NCOR1: variants seen among roughly 807,000 people sequenced by gnomAD.
NCOR1 encodes the protein protein phosphatase 1, regulatory subunit 109.
NCOR1 carries 63 observed loss-of-function variants against 288.1 expected under a neutral mutation model. That is an observed-to-expected ratio of 0.22 (90% CI 0.18 to 0.27). NCOR1 has a LOEUF of 0.27. Among genes scored for constraint, NCOR1 ranks in the 10% least tolerant of loss-of-function variants. The pLI, the probability that NCOR1 is intolerant of heterozygous loss-of-function variation, is 1.00. For missense variants in NCOR1, 2,397 were observed against 3,019.2 expected, an observed-to-expected ratio of 0.79 and a Z score of 4.83; for synonymous variants, 1,007 against 1,065.9, an observed-to-expected ratio of 0.94 and a Z score of 1.08.
intron 40 of NCOR1, among the ~76,000 whole-genome samples, chr17:16,056,126 C>G (rs921511829): frequency 2.0e-5 from 3 of 151,542 alleles, no homozygotes; most frequent in African/African-American, 7.3e-5. Flanking sequence ...TCTATCTGCT[C>G]TTTGCTCACT....
At chr17:16,092,375 T>A (rs1598446222) in intron 21 of NCOR1, among the ~76,000 whole-genome samples, 1 of 151,854 alleles carries the variant, frequency 6.6e-6, no homozygotes, top group East Asian at 2.0e-4. Flanking sequence ...TAGTCCCAGC[T>A]ACTCGGGAGG....
At chr17:16,171,031 T>C (rs1356615572) in intron 4 of NCOR1, among the ~76,000 whole-genome samples, 1 of 152,074 alleles carries the variant, frequency 6.6e-6, no homozygotes, top group Non-Finnish European at 1.5e-5. Context: ...ATGGCAACTA[T>C]AGCTAATAAT....
intron 3 of NCOR1, among the ~76,000 whole-genome samples, chr17:16,181,227 G>C (rs541455150): frequency 7.0e-6 from 1 of 142,232 alleles, no homozygotes; most frequent in Admixed American, 6.8e-5. Context: ...GTGTGTGTGT[G>C]TGTGTGTGTG....
In NCOR1 at chr17:16,127,718, T is replaced by C. The variant is rs1291232575; in HGVS notation, c.1510-1512A>G. The stretch of plus-strand genomic sequence containing the variant: ...ATATATGTATATATGTGTGTGTATA[T>C]ATACATATATGTGTATATATGTGTG... On this transcript the variant is annotated intron_variant, in intron 14 of 45. Coordinates refer to ENST00000268712, the MANE Select transcript of NCOR1 (RefSeq NM_006311.4). Among the ~76,000 whole-genome samples, 5 of 136,332 alleles carry C rather than the reference T, an allele frequency of 3.7e-5. 1 individual carries two copies. The highest frequency in any genetic ancestry group is 8.0e-5 in the Non-Finnish European group (5 of 62,480). The allele number at this position is 136,332 out of a possible 152,430, so 89.4% of individuals were successfully genotyped here.
chr17:16,112,693 G>A lies in NCOR1; in HGVS notation c.2056-3781C>T, dbSNP rs913899758. On this transcript the variant is annotated intron_variant, in intron 18 of 45. Coordinates refer to ENST00000268712, the MANE Select transcript of NCOR1 (RefSeq NM_006311.4). ...TTTAGTAGAGACAGGGTTTCACCAC[G>A]TTGGCCAGGATGGTCTTGATCTCTT... Among the ~76,000 whole-genome samples, 4 of 152,214 alleles carry A rather than the reference G, an allele frequency of 2.6e-5. No individual in the cohort carries two copies. In the South Asian group the frequency reaches 6.2e-4, roughly 24 times the overall value.
intron 3 of NCOR1, among the ~76,000 whole-genome samples, chr17:16,180,792 T>C (rs1212541191): frequency 6.6e-6 from 1 of 152,048 alleles, no homozygotes; most frequent in Non-Finnish European, 1.5e-5. Flanking sequence ...CACTCCCATA[T>C]TCATGGCAGC....
rs756221662 is a variant in NCOR1 at position 16,057,644 on chromosome 17, A to G, written c.6262T>C (p.Leu2088=). 3 of 1,613,692 alleles carry G rather than the reference A, an allele frequency of 1.9e-6. No homozygotes were observed. In the East Asian group the frequency reaches 6.7e-5, roughly 36 times the overall value. The stretch of plus-strand genomic sequence containing the variant: ...TTAGTCCTCACAGGTGTAGATACCA[A>G]AGCAGAAGGTGAGTTCTGGAATGTA... ...TSTFQNSPSA[L]VSTPVRTKTS... The change falls in exon 40 of 46, where the codon TTG becomes CTG. Residue 2088 remains leucine (L), a synonymous_variant. Transcript: ENST00000268712.
chr17:16,164,488 C>T (rs1217066712), intron 5 of NCOR1, among the ~76,000 whole-genome samples: 2 of 152,084 alleles, frequency 1.3e-5, no homozygotes, highest in African/African-American at 4.8e-5. Flanking sequence ...TCCTTCCAAA[C>T]CACAGAGAAG....
At chr17:16,145,803 C>T (rs2077882318) in intron 10 of NCOR1, among the ~76,000 whole-genome samples, 1 of 152,204 alleles carries the variant, frequency 6.6e-6, no homozygotes, top group South Asian at 2.1e-4. Flanking sequence ...GTGTGCCCAA[C>T]AGCTCATTGA....
intron 23 of NCOR1, chr17:16,084,486 T>C (rs2063905151): frequency 6.6e-6 from 1 of 152,282 alleles, no homozygotes; most frequent in African/African-American, 2.4e-5. Context: ...ATAATTTATA[T>C]GAAAATGCAA....
At chr17:16,171,025 C>T (rs1294577476) in intron 4 of NCOR1, among the ~76,000 whole-genome samples, 2 of 151,720 alleles carry the variant, frequency 1.3e-5, no homozygotes, top group Non-Finnish European at 2.9e-5. Context: ...TACAGCATGG[C>T]AACTATAGCT....
At chr17:16,143,938 G>A (rs1166562912) in intron 10 of NCOR1, among the ~76,000 whole-genome samples, 1 of 152,056 alleles carries the variant, frequency 6.6e-6, no homozygotes, top group African/African-American at 2.4e-5. Context: ...AACTAGTTAG[G>A]GAAAACTTCT....
At chr17:16,092,682 TATATA>T (rs2065530715) in intron 21 of NCOR1, among the ~76,000 whole-genome samples, 3 of 20,986 alleles carry the variant, frequency 1.4e-4, no homozygotes, top group African/African-American at 2.5e-4. Flanking sequence ...TATATATATA[TATATA>T]TATATATATT....
chr17:16,110,489 T>C (rs1443747092), intron 18 of NCOR1, among the ~76,000 whole-genome samples: 4 of 152,232 alleles, frequency 2.6e-5, no homozygotes, highest in African/African-American at 9.6e-5. Context: ...TAAGAGTACA[T>C]GTGTACACAT....
At chr17:16,110,401 T>C (rs568622981) in intron 18 of NCOR1, among the ~76,000 whole-genome samples, 2 of 152,146 alleles carry the variant, frequency 1.3e-5, no homozygotes, top group African/African-American at 4.8e-5. Context: ...AATTCCTTTT[T>C]AAAAAAAATT....
rs1364037923 is a variant in NCOR1 at position 16,119,433 on chromosome 17, A to G, written c.1905T>C (p.Val635=). ...ACTACTACAATTTACCTTTTTTAGC[A>G]ACTTCCATTTCTTCTTCTGTCCATC... The part of the protein sequence containing the change: ...TSRWTEEEME[V]AKKGLVEHGR... The change falls in exon 17 of 46, where the codon GTT becomes GTC. Residue 635 remains valine, a synonymous_variant. Transcript: ENST00000268712. 3.1e-6 allele frequency: 5 copies of G among 1,610,256 alleles called. No individual in the cohort carries two copies. Among genetic ancestry groups the G allele is most frequent in the Non-Finnish European group, 3.4e-6 (4 of 1,177,936 alleles).
At chr17:16,044,168 C>CAAAAAAAAAAAA (rs34691717) in intron 42 of NCOR1, among the ~76,000 whole-genome samples, 3 of 82,808 alleles carry the variant, frequency 3.6e-5, no homozygotes, top group Non-Finnish European at 4.6e-5. Context: ...GACTCCATCT[C>CAAAAAAAAAAAA]AAAAAAAAAA....
intron 21 of NCOR1, among the ~76,000 whole-genome samples, chr17:16,096,157 C>T (rs1420971621): frequency 6.6e-6 from 1 of 152,112 alleles, no homozygotes; most frequent in Admixed American, 6.5e-5. Context: ...TCACCACTCC[C>T]CAATCTCAAG....
At chr17:16,105,344 G>A (rs1232439835) in intron 19 of NCOR1, among the ~76,000 whole-genome samples, 1 of 152,032 alleles carries the variant, frequency 6.6e-6, no homozygotes, top group Non-Finnish European at 1.5e-5. Context: ...TTGAGCCTGG[G>A]AGTTTGAGGC....
Sources: allele counts gnomAD v4.1 joint callset (sites outside exome capture counted in the v4.1 genomes callset), GRCh38; gene constraint gnomAD v4.1.1; transcripts MANE v1.5; gene names NCBI Gene and HGNC (gene_info 2026-07-23, HGNC 2026-07-21).